Variants in KDM4C observed in about 807,000 individuals in gnomAD.
The protein encoded by KDM4C is lysine-specific demethylase 4C.
A neutral mutation model predicts 129.3 loss-of-function variants in KDM4C; 81 were observed. That is an observed-to-expected ratio of 0.63 (90% CI 0.52 to 0.75). The LOEUF (loss-of-function observed/expected upper bound fraction) is 0.75. KDM4C is among the 30% of genes least tolerant of loss of function. The pLI is 0.00. For synonymous variants in KDM4C, 573 were observed against 456.1 expected (o/e 1.26, Z -3.26); for missense variants, 1,457 against 1,304.0 (o/e 1.12, Z -1.81).
intron 17 of KDM4C, among the ~76,000 whole-genome samples, chr9:7,091,122 T>G (rs1471086681): frequency 6.6e-6 from 1 of 152,162 alleles, no homozygotes; most frequent in Non-Finnish European, 1.5e-5. Flanking sequence ...GTTGAGTTCA[T>G]GAATATTTCA....
At chr9:6,974,797 T>G (rs1367780234) in intron 8 of KDM4C, 1 of 152,190 alleles carries the variant, frequency 6.6e-6, no homozygotes, top group Non-Finnish European at 1.5e-5. Flanking sequence ...TGACATGGAG[T>G]GCATGAATTC....
chr9:6,929,409 C>G (rs759366573), intron 8 of KDM4C, among the ~76,000 whole-genome samples: 12 of 150,688 alleles, frequency 8.0e-5, no homozygotes, highest in Non-Finnish European at 1.6e-4. Flanking sequence ...TATCAGCTAA[C>G]ATTTGAGAGT....
intron 15 of KDM4C, among the ~76,000 whole-genome samples, chr9:7,018,143 C>T (rs148886853): frequency 3.3e-4 from 50 of 152,330 alleles, no homozygotes; most frequent in Non-Finnish European, 5.3e-4. Context: ...TGTACTGACA[C>T]AAACCTGGAT....
intron 1 of KDM4C, among the ~76,000 whole-genome samples, chr9:6,742,902 C>T (rs934540837): frequency 3.3e-5 from 5 of 151,894 alleles, no homozygotes; most frequent in Middle Eastern, 3.4e-3. Context: ...TGGGGTCTCA[C>T]CAGGAGGCTG....
chr9:6,807,965 C>A (rs1214613215), intron 3 of KDM4C, among the ~76,000 whole-genome samples: 99 of 125,250 alleles, frequency 7.9e-4, no homozygotes, highest in African/African-American at 2.4e-3. Context: ...CCCGCCCGGC[C>A]AGCCGCCCCG....
Position 6,893,230 on chromosome 9 carries a change from T to C in KDM4C, c.919T>C (p.Leu307=). The C allele has an allele frequency of 3.1e-6, 5 of 1,608,416 alleles. No individual in the cohort carries two copies. In the South Asian group the frequency reaches 3.3e-5, roughly 11 times the overall value. Residue 307 remains leucine, a splice_region_variant and synonymous_variant, in exon 8 of 22, where the codon TTG becomes CTG. Coordinates refer to ENST00000381309, the MANE Select transcript of KDM4C (RefSeq NM_015061.6). ...RWIDYGKVAK[L]CTCRKDMVKI... ...GATTGACTATGGAAAAGTTGCCAAA[T>C]TGGTAAGCTATGCCTCAAAAATAAA...
At chr9:7,090,164 C>T (rs923537184) in intron 17 of KDM4C, among the ~76,000 whole-genome samples, 6 of 152,220 alleles carry the variant, frequency 3.9e-5, no homozygotes, top group Non-Finnish European at 7.3e-5. Context: ...GATAGATGCA[C>T]TTATAACCTC....
intron 5 of KDM4C, among the ~76,000 whole-genome samples, chr9:6,867,311 G>C (rs1029456120): frequency 6.6e-5 from 10 of 152,158 alleles, no homozygotes; most frequent in Admixed American, 1.3e-4. Context: ...GCTGCGCCCG[G>C]CCAGTGCTGC....
chr9:7,083,872 T>G (rs188929711), intron 17 of KDM4C, among the ~76,000 whole-genome samples: 174 of 152,236 alleles, frequency 1.1e-3, no homozygotes, highest in African/African-American at 4.1e-3. Flanking sequence ...AGAATTTGAT[T>G]TGAATTCCTC....
intron 8 of KDM4C, among the ~76,000 whole-genome samples, chr9:6,920,211 C>G (rs961886223): frequency 6.6e-6 from 1 of 152,044 alleles, no homozygotes. Flanking sequence ...GAAAGCAGTC[C>G]TCATGTGCTG....
intron 8 of KDM4C, chr9:6,941,792 C>G: frequency 6.6e-6 from 1 of 152,310 alleles, no homozygotes; most frequent in Non-Finnish European, 1.5e-5. Flanking sequence ...ACCTAGGAGT[C>G]TGTAGGGCAT....
intron 1 of KDM4C, among the ~76,000 whole-genome samples, chr9:6,743,944 C>T (rs1022373776): frequency 2.0e-5 from 3 of 150,134 alleles, no homozygotes; most frequent in East Asian, 1.9e-4. Context: ...AATAAGGTCT[C>T]GCTATGCTAC....
chr9:7,127,501 G>T (rs1227895951), intron 18 of KDM4C, among the ~76,000 whole-genome samples: 1 of 152,146 alleles, frequency 6.6e-6, no homozygotes, highest in Non-Finnish European at 1.5e-5. Flanking sequence ...GCAGGAAGAG[G>T]AAGAATTGTA....
At chr9:6,906,939 T>A (rs751085151) in intron 8 of KDM4C, among the ~76,000 whole-genome samples, 1 of 152,232 alleles carries the variant, frequency 6.6e-6, no homozygotes, top group Non-Finnish European at 1.5e-5. Context: ...GTATTTTATT[T>A]CATGGGAACA....
At chr9:6,995,193 G>C (rs904735216) in intron 12 of KDM4C, among the ~76,000 whole-genome samples, 1 of 150,812 alleles carries the variant, frequency 6.6e-6, no homozygotes, top group East Asian at 1.9e-4. Flanking sequence ...AGGAAGAAAA[G>C]AAGAAAGATC....
Position 7,160,351 on chromosome 9 carries a change from C to G in KDM4C, c.2782-4887C>G, listed in dbSNP as rs542248100. Among the ~76,000 whole-genome samples the G allele has an allele frequency of 4.6e-5, 7 of 152,344 alleles. No homozygotes were observed. In the East Asian group the frequency reaches 9.6e-4, roughly 21 times the overall value. On this transcript the variant is annotated intron_variant, in intron 19 of 21. Coordinates refer to ENST00000381309, the MANE Select transcript of KDM4C (RefSeq NM_015061.6). ...ATTCTGTCAACTCGTCAAAGTCATTCTCCCTCCAGCTTTGTTCCGTTGCTG... is the reference window on the plus strand; with the variant it reads ...ATTCTGTCAACTCGTCAAAGTCATTGTCCCTCCAGCTTTGTTCCGTTGCTG...
intron 15 of KDM4C, among the ~76,000 whole-genome samples, chr9:7,021,271 G>C (rs1824805630): frequency 6.6e-6 from 1 of 151,562 alleles, no homozygotes; most frequent in African/African-American, 2.4e-5. Flanking sequence ...CAGCCTCCTG[G>C]GTAGCTGGGA....
intron 18 of KDM4C, among the ~76,000 whole-genome samples, chr9:7,109,194 A>G (rs1482506929): frequency 6.6e-6 from 1 of 152,200 alleles, no homozygotes; most frequent in Non-Finnish European, 1.5e-5. Flanking sequence ...AACTAAAGAT[A>G]TATTTTTGCT....
intron 13 of KDM4C, among the ~76,000 whole-genome samples, 159 bp downstream of exon 13, chr9:7,012,038 C>G (rs867724027): frequency 1.3e-5 from 2 of 152,150 alleles, no homozygotes; most frequent in Non-Finnish European, 2.9e-5. Flanking sequence ...ACAGTTTCTA[C>G]ATGATCCTTG....
Sources: gnomAD v4.1 joint callset for allele counts (sites outside exome capture counted in the v4.1 genomes callset) on GRCh38, gnomAD v4.1.1 for gene constraint, MANE v1.5 for transcripts, NCBI Gene and HGNC (gene_info 2026-07-23, HGNC 2026-07-21) for gene names.